Variants in ENOX1 observed in about 807,000 individuals in gnomAD.
ENOX1 encodes the protein ecto-NOX disulfide-thiol exchanger 1.
Under a neutral mutation model 82.5 loss-of-function variants are expected in ENOX1, and 42 were observed. The ratio of observed to expected loss-of-function variants is 0.51; its 90% confidence interval spans 0.40 to 0.66. The LOEUF (loss-of-function observed/expected upper bound fraction) is 0.66, where lower values mean the gene tolerates loss of function less well. ENOX1 is among the 30% of genes least tolerant of loss of function. The pLI is 0.00. For synonymous variants in ENOX1, 271 were observed against 282.2 expected, an observed-to-expected ratio of 0.96 and a Z score of 0.40; for missense variants, 608 against 811.6, an observed-to-expected ratio of 0.75 and a Z score of 3.05.
intron 12 of ENOX1, among the ~76,000 whole-genome samples, chr13:43,296,047 G>C (rs973198119): frequency 6.6e-5 from 10 of 152,192 alleles, no homozygotes; most frequent in African/African-American, 2.4e-4. Context: ...GCTCCCATAG[G>C]CACCATGCTA....
At chr13:43,288,970 T>C (rs577289905) in intron 12 of ENOX1, among the ~76,000 whole-genome samples, 23 of 152,158 alleles carry the variant, frequency 1.5e-4, no homozygotes, top group African/African-American at 4.8e-4. Flanking sequence ...CTACTTACAA[T>C]AGCCACGAAG....
At chr13:43,783,790 T>A (rs1210322720) in intron 1 of ENOX1, among the ~76,000 whole-genome samples, 1 of 152,212 alleles carries the variant, frequency 6.6e-6, no homozygotes. Flanking sequence ...AGTTAGATGC[T>A]TCATTTCATC....
intron 2 of ENOX1, among the ~76,000 whole-genome samples, chr13:43,495,472 T>A (rs1393080093): frequency 6.6e-6 from 1 of 152,134 alleles, no homozygotes; most frequent in Non-Finnish European, 1.5e-5. Context: ...GTAATGATTA[T>A]AATTCTTGTT....
intron 1 of ENOX1, 26 bp from the exon 2 acceptor site, chr13:43,667,570 G>GA (rs2085043583): frequency 1.1e-6 from 1 of 888,874 alleles, no homozygotes; most frequent in African/African-American, 1.8e-5. Context: ...CATCTTGTTA[G>GA]AAAAAACTTC....
intron 9 of ENOX1, among the ~76,000 whole-genome samples, chr13:43,331,639 G>C (rs1425416236): frequency 1.3e-5 from 2 of 152,164 alleles, no homozygotes; most frequent in Non-Finnish European, 2.9e-5. Flanking sequence ...CTAATAGCTA[G>C]GGGAGAAGGG....
At position 43,402,545 on chromosome 13, in the gene ENOX1, T is replaced by G. The variant is rs116075099; in HGVS notation, c.208+9371A>C. Among the ~76,000 whole-genome samples the G allele has an allele frequency of 2.5e-3, 386 of 152,342 alleles. 1 individual carries two copies. Among genetic ancestry groups the G allele is most frequent in the African/African-American group, 8.9e-3 (370 of 41,574 alleles). On this transcript the variant is annotated intron_variant, in intron 5 of 16. Transcript: ENST00000690772. ...CCAGCACAGTCTGTTAGACAGATGA[T>G]AGAATAATTATATTAGCACATAAAT...
At chr13:43,224,186 G>A (rs1170196491) in intron 15 of ENOX1, 48 bp from the exon 16 acceptor site, 1 of 1,459,966 alleles carries the variant, frequency 6.8e-7, no homozygotes, top group Non-Finnish European at 9.6e-7. Context: ...GCATATGAGA[G>A]TCTCTGGTTA....
intron 5 of ENOX1, among the ~76,000 whole-genome samples, chr13:43,407,245 C>T (rs1020335759): frequency 2.6e-5 from 4 of 152,096 alleles, no homozygotes; most frequent in African/African-American, 7.2e-5. Context: ...TCAGGCAACA[C>T]CTGACCCAAA....
At chr13:43,667,217 T>C (rs1450766325) in intron 2 of ENOX1, among the ~76,000 whole-genome samples, 1 of 152,270 alleles carries the variant, frequency 6.6e-6, no homozygotes, top group East Asian at 1.9e-4. Flanking sequence ...TTATGAAAAC[T>C]CTATAGAAGT....
intron 2 of ENOX1, among the ~76,000 whole-genome samples, chr13:43,604,628 C>A (rs2081897411): frequency 6.6e-6 from 1 of 152,136 alleles, no homozygotes; most frequent in Non-Finnish European, 1.5e-5. Flanking sequence ...CACATTGATT[C>A]ATTTGCCTAT....
At chr13:43,682,919 T>C (rs2085866874) in intron 1 of ENOX1, among the ~76,000 whole-genome samples, 1 of 152,230 alleles carries the variant, frequency 6.6e-6, no homozygotes, top group African/African-American at 2.4e-5. Flanking sequence ...CTTAGGGCCT[T>C]TGGAATACTA....
intron 7 of ENOX1, among the ~76,000 whole-genome samples, chr13:43,358,363 A>C (rs900664113): frequency 6.6e-6 from 1 of 151,272 alleles, no homozygotes; most frequent in African/African-American, 2.4e-5. Context: ...TGTATCCAAA[A>C]CACAGCATTC....
At chr13:43,449,866 A>G (rs2056862824) in intron 3 of ENOX1, among the ~76,000 whole-genome samples, 1 of 152,226 alleles carries the variant, frequency 6.6e-6, no homozygotes, top group Non-Finnish European at 1.5e-5. Context: ...GCTCCCTGGC[A>G]GCAGTTATTT....
chr13:43,536,126 C>A (rs1410846203), intron 2 of ENOX1, among the ~76,000 whole-genome samples: 2 of 152,000 alleles, frequency 1.3e-5, no homozygotes, highest in African/African-American at 4.8e-5. Context: ...TGGATTAAAC[C>A]CAAATGATTA....
chr13:43,373,966 G>A (rs567345496), intron 5 of ENOX1, among the ~76,000 whole-genome samples: 1 of 152,250 alleles, frequency 6.6e-6, no homozygotes, highest in African/African-American at 2.4e-5. Flanking sequence ...AACTCAGAGA[G>A]TTAATTCCTC....
intron 8 of ENOX1, among the ~76,000 whole-genome samples, chr13:43,353,406 G>A (rs2049938356): frequency 6.6e-6 from 1 of 152,192 alleles, no homozygotes; most frequent in African/African-American, 2.4e-5. Context: ...ATAAATCTAA[G>A]TAAGATTTCT....
chr13:43,486,288 G>T, intron 2 of ENOX1, among the ~76,000 whole-genome samples: 1 of 152,028 alleles, frequency 6.6e-6, no homozygotes, highest in East Asian at 1.9e-4. Context: ...GGAGGCTGAG[G>T]CATAAGAATC....
intron 2 of ENOX1, among the ~76,000 whole-genome samples, chr13:43,640,885 CACACACACACGT>C (rs1566688850): frequency 7.7e-6 from 1 of 130,052 alleles, no homozygotes; most frequent in Non-Finnish European, 1.6e-5. Flanking sequence ...CACACACGCG[CACACACACACGT>C]ACACACACAC....
chr13:43,407,252 C>CA (rs981697938), intron 5 of ENOX1, among the ~76,000 whole-genome samples: 1 of 152,058 alleles, frequency 6.6e-6, no homozygotes, highest in African/African-American at 2.4e-5. Flanking sequence ...ACACCTGACC[C>CA]AAATTTTGAA....
Sources: gnomAD v4.1 joint callset for allele counts (sites outside exome capture counted in the v4.1 genomes callset) on GRCh38, gnomAD v4.1.1 for gene constraint, MANE v1.5 for transcripts, NCBI Gene and HGNC (gene_info 2026-07-23, HGNC 2026-07-21) for gene names.